PDE11A: variants seen among roughly 807,000 people sequenced by gnomAD.
The protein encoded by PDE11A is phosphodiesterase 11A.
A neutral mutation model predicts 100.5 loss-of-function variants in PDE11A; 100 were observed. The ratio of observed to expected loss-of-function variants is 1.00; its 90% CI spans 0.85 to 1.18. PDE11A has a LOEUF of 1.18. Ranked by LOEUF, PDE11A falls within the 50% of genes most tolerant of loss-of-function variation. The pLI is 0.00. For synonymous variants in PDE11A, 381 were observed against 420.8 expected (o/e 0.91, Z 1.16); for missense variants, 1,141 against 1,152.6 (o/e 0.99, Z 0.15).
At chr2:177,946,874 G>A (rs1337105766) in intron 2 of PDE11A, among the ~76,000 whole-genome samples, 53 of 83,990 alleles carry the variant, frequency 6.3e-4, no homozygotes, top group African/African-American at 2.5e-3. Context: ...CGCCCCGTCC[G>A]GGAGGTGAGG....
rs551610004 is a variant in PDE11A at position 177,695,119 on chromosome 2, TG to T, written c.2345+2212del. On this transcript the variant is annotated intron_variant, in intron 15 of 19. Coordinates refer to ENST00000286063, the MANE Select transcript of PDE11A (RefSeq NM_016953.4). ...TAAAAAGCTAAATGGGAGTTGTGTG[TG>T]GGGGGGGAGGGGTATAATTGCTAGA... 1.8e-3 allele frequency among the ~76,000 whole-genome samples: 267 copies of T among 149,482 alleles called. 1 individual carries two copies. The highest frequency in any genetic ancestry group is 5.3e-3 in the African/African-American group (216 of 40,866).
chr2:177,885,910 G>T (rs1312235472), intron 4 of PDE11A, among the ~76,000 whole-genome samples: 2 of 152,158 alleles, frequency 1.3e-5, no homozygotes, highest in Non-Finnish European at 1.5e-5. Flanking sequence ...ACACTAGCCA[G>T]GTATTTATAA....
intron 10 of PDE11A, among the ~76,000 whole-genome samples, chr2:177,735,110 A>G (rs2081756373): frequency 6.6e-6 from 1 of 152,262 alleles, no homozygotes; most frequent in African/African-American, 2.4e-5. Context: ...GGGCAATTAC[A>G]GAACAGTATG....
At chr2:177,971,685 G>A (rs1409273074) in intron 2 of PDE11A, among the ~76,000 whole-genome samples, 4 of 152,134 alleles carry the variant, frequency 2.6e-5, no homozygotes, top group African/African-American at 9.7e-5. Flanking sequence ...GGATGGAGGA[G>A]GCTGATATTT....
chr2:177,736,275 G>A lies in PDE11A; in HGVS notation c.1789-8103C>T, dbSNP rs189903639. ...GCCTGTAATCCCAGCACTTTGGGAG[G>A]CCGAGGCAGGTGGATCAACAGAGGT... On this transcript the variant is annotated intron_variant, in intron 10 of 19. Transcript: ENST00000286063. Among the ~76,000 whole-genome samples the A allele has an allele frequency of 3.8e-3, 580 of 152,268 alleles. 5 individuals are homozygous for A. The highest frequency in any genetic ancestry group is 0.013 in the African/African-American group (559 of 41,552).
chr2:177,770,914 C>T (rs1214972166), intron 9 of PDE11A, among the ~76,000 whole-genome samples: 2 of 152,198 alleles, frequency 1.3e-5, no homozygotes, highest in Non-Finnish European at 2.9e-5. Context: ...GAAGCCTTGA[C>T]CTCCTGAGCT....
intron 2 of PDE11A, among the ~76,000 whole-genome samples, chr2:177,920,845 G>A (rs568630721): frequency 4.9e-4 from 74 of 152,144 alleles, no homozygotes; most frequent in Non-Finnish European, 8.4e-4. Flanking sequence ...GGCGAAGCAC[G>A]AGGTCAGGAG....
intron 19 of PDE11A, among the ~76,000 whole-genome samples, chr2:177,641,132 T>C (rs1390528457): frequency 6.6e-6 from 1 of 152,148 alleles, no homozygotes; most frequent in Non-Finnish European, 1.5e-5. Context: ...AACCTGAGCT[T>C]GCCATTCACT....
chr2:177,638,674 C>T (rs1297946528), intron 19 of PDE11A, among the ~76,000 whole-genome samples: 1 of 151,880 alleles, frequency 6.6e-6, no homozygotes, highest in Non-Finnish European at 1.5e-5. Flanking sequence ...AATTCAATCC[C>T]TTTGAGGCTT....
chr2:177,728,384 G>GC (rs1361848157), intron 10 of PDE11A, among the ~76,000 whole-genome samples: 2 of 139,898 alleles, frequency 1.4e-5, no homozygotes, highest in Non-Finnish European at 3.1e-5. Context: ...GTTGGGGGCG[G>GC]GGGGAGGGAA....
At chr2:177,724,756 G>A (rs1008185557) in intron 12 of PDE11A, among the ~76,000 whole-genome samples, 1 of 152,060 alleles carries the variant, frequency 6.6e-6, no homozygotes, top group Non-Finnish European at 1.5e-5. Flanking sequence ...GTGTACCTCA[G>A]TATTCCCTGT....
intron 10 of PDE11A, among the ~76,000 whole-genome samples, chr2:177,728,925 AT>A (rs1394136451): frequency 6.6e-6 from 1 of 152,158 alleles, no homozygotes; most frequent in Non-Finnish European, 1.5e-5. Flanking sequence ...GAGAAAAAAA[AT>A]CTTTGGAAAT....
At chr2:177,860,794 C>A (rs1204998496) in intron 5 of PDE11A, among the ~76,000 whole-genome samples, 9 of 151,606 alleles carry the variant, frequency 5.9e-5, no homozygotes, top group Non-Finnish European at 1.5e-5. Context: ...ATCCAAAAAT[C>A]AATATATATA....
intron 2 of PDE11A, among the ~76,000 whole-genome samples, chr2:177,991,961 A>G (rs1177979333): frequency 6.6e-6 from 1 of 151,368 alleles, no homozygotes; most frequent in Non-Finnish European, 1.5e-5. Flanking sequence ...ACTGTTCTCT[A>G]AATAACACAT....
intron 1 of PDE11A, among the ~76,000 whole-genome samples, chr2:178,061,908 T>C (rs1373893252): frequency 2.0e-5 from 3 of 152,208 alleles, no homozygotes; most frequent in Non-Finnish European, 2.9e-5. Flanking sequence ...ATAATGACAG[T>C]AGCTCTTCTT....
chr2:177,951,374 A>G (rs2085503559), intron 2 of PDE11A, among the ~76,000 whole-genome samples: 1 of 152,240 alleles, frequency 6.6e-6, no homozygotes, highest in Non-Finnish European at 1.5e-5. Flanking sequence ...CTTAAATTTA[A>G]TAAGTGTTTT....
chr2:177,977,521 A>G (rs1345016549), intron 2 of PDE11A, among the ~76,000 whole-genome samples: 18 of 105,580 alleles, frequency 1.7e-4, no homozygotes, highest in African/African-American at 6.5e-4. Context: ...GCCCAAGGTA[A>G]TTTACAGATT....
At chr2:177,793,985 C>T (rs1354741462) in intron 9 of PDE11A, among the ~76,000 whole-genome samples, 1 of 152,108 alleles carries the variant, frequency 6.6e-6, no homozygotes, top group Admixed American at 6.6e-5. Context: ...GTTTTAGGAA[C>T]TATTGTAGGT....
intron 9 of PDE11A, among the ~76,000 whole-genome samples, chr2:177,775,177 C>G (rs1006632773): frequency 6.6e-6 from 1 of 152,092 alleles, no homozygotes; most frequent in Non-Finnish European, 1.5e-5. Context: ...CCAGTAAGAC[C>G]CATTTCAGAC....
Sources: gnomAD v4.1 joint callset for allele counts (sites outside exome capture counted in the v4.1 genomes callset) on GRCh38, gnomAD v4.1.1 for gene constraint, MANE v1.5 for transcripts, NCBI Gene and HGNC (gene_info 2026-07-23, HGNC 2026-07-21) for gene names.